The following GRXCR1 variants were observed in gnomAD, a reference collection of about 807,000 sequenced individuals.
GRXCR1 encodes the protein glutaredoxin and cysteine rich domain containing 1.
GRXCR1 carries 27 observed loss-of-function variants against 27.3 expected under a neutral mutation model. The observed-to-expected ratio is 0.99, with a 90% CI of 0.73 to 1.37. The LOEUF (loss-of-function observed/expected upper bound fraction) is 1.37. GRXCR1 is among the 40% of genes most tolerant of loss of function. The pLI, the probability that GRXCR1 is intolerant of heterozygous loss-of-function variation, is 0.00. For synonymous variants in GRXCR1, 122 were observed against 131.1 expected (o/e 0.93, Z 0.47); for missense variants, 379 against 354.4 (o/e 1.07, Z -0.56).
At chr4:42,995,533 T>G (rs1165396387) in intron 2 of GRXCR1, among the ~76,000 whole-genome samples, 1 of 151,992 alleles carries the variant, frequency 6.6e-6, no homozygotes, top group Non-Finnish European at 1.5e-5. Context: ...CCACTAGGAG[T>G]CACTAGTTTA....
chr4:42,913,829 A>G (rs920926433), intron 1 of GRXCR1, among the ~76,000 whole-genome samples: 2 of 152,192 alleles, frequency 1.3e-5, no homozygotes, highest in Non-Finnish European at 2.9e-5. Flanking sequence ...GCCTCAGGAC[A>G]TTGTGCCCTG....
chr4:42,988,002 G>C (rs1711836381), intron 2 of GRXCR1, among the ~76,000 whole-genome samples: 1 of 152,076 alleles, frequency 6.6e-6, no homozygotes, highest in Non-Finnish European at 1.5e-5. Context: ...CTTCTCATTG[G>C]GGTCCTCAGA....
chr4:42,985,160 C>G (rs1711673289), intron 2 of GRXCR1, among the ~76,000 whole-genome samples: 1 of 152,036 alleles, frequency 6.6e-6, no homozygotes, highest in African/African-American at 2.4e-5. Flanking sequence ...ATTTTCATGC[C>G]TGGATAATTG....
chr4:42,996,794 A>T (rs760940891), intron 2 of GRXCR1, among the ~76,000 whole-genome samples: 4 of 151,980 alleles, frequency 2.6e-5, no homozygotes, highest in Non-Finnish European at 5.9e-5. Context: ...AAAATAAAAT[A>T]TAAAGTCTAA....
chr4:42,978,682 C>G (rs1410653117), intron 2 of GRXCR1, among the ~76,000 whole-genome samples: 1 of 151,756 alleles, frequency 6.6e-6, no homozygotes, highest in Non-Finnish European at 1.5e-5. Flanking sequence ...TTTTTTGGTG[C>G]TAACATATTT....
chr4:42,952,786 T>A (rs1747915027), intron 1 of GRXCR1, among the ~76,000 whole-genome samples: 1 of 152,036 alleles, frequency 6.6e-6, no homozygotes, highest in South Asian at 2.1e-4. Flanking sequence ...CAAAGGGGAA[T>A]CACAGAGGGA....
Position 42,893,543 on chromosome 4 carries a change from G to C in GRXCR1, c.277G>C (p.Gly93Arg). The change falls in exon 1 of 4, where the codon GGT becomes CGT. Residue 93 changes from glycine to arginine, a missense_variant. Physicochemically the swap from Gly to Arg is moderately radical, Grantham distance 125. Transcript: ENST00000399770. ...LARAASEKGF[G>R]TRRVNILSKN... ...AAGGGCTGCCAGTGAGAAGGGTTTT[G>C]GTACAAGAAGAGTCAACATTTTAAG... is the stretch of plus-strand genomic sequence containing the variant. The C allele has an allele frequency of 6.2e-7, 1 of 1,613,826 alleles. No individual in the cohort carries two copies. The highest frequency in any genetic ancestry group is 8.5e-7 in the Non-Finnish European group (1 of 1,179,828).
intron 1 of GRXCR1, among the ~76,000 whole-genome samples, chr4:42,961,996 T>C (rs1359483319): frequency 6.6e-6 from 1 of 151,982 alleles, no homozygotes; most frequent in East Asian, 1.9e-4. Flanking sequence ...TGTGTTCTGT[T>C]CAGTTTCCTT....
At chr4:42,955,509 G>T (rs1220597787) in intron 1 of GRXCR1, among the ~76,000 whole-genome samples, 2 of 152,030 alleles carry the variant, frequency 1.3e-5, no homozygotes, top group South Asian at 4.1e-4. Context: ...TTGGAATGGT[G>T]CACAACTGAG....
At chr4:42,984,848 CG>C (rs1280371201) in intron 2 of GRXCR1, among the ~76,000 whole-genome samples, 1 of 152,164 alleles carries the variant, frequency 6.6e-6, no homozygotes, top group Non-Finnish European at 1.5e-5. Flanking sequence ...ATAGGCCAAA[CG>C]CTTGGGACTG....
intron 1 of GRXCR1, among the ~76,000 whole-genome samples, chr4:42,960,419 A>G (rs919852527): frequency 6.6e-6 from 1 of 151,962 alleles, no homozygotes; most frequent in Non-Finnish European, 1.5e-5. Flanking sequence ...ATACCTGTTA[A>G]TATGAAGAGG....
intron 3 of GRXCR1, among the ~76,000 whole-genome samples, chr4:43,022,329 C>T (rs1399713501): frequency 6.6e-6 from 1 of 152,082 alleles, no homozygotes; most frequent in Admixed American, 6.6e-5. Flanking sequence ...ACTGATTTAG[C>T]TATTCTGAAC....
chr4:42,919,640 C>A (rs1746964643), intron 1 of GRXCR1, among the ~76,000 whole-genome samples: 1 of 152,060 alleles, frequency 6.6e-6, no homozygotes, highest in African/African-American at 2.4e-5. Flanking sequence ...ATTCACCAGG[C>A]CATGTTTTCT....
chr4:42,966,111 G>A (rs1191329300), intron 2 of GRXCR1, among the ~76,000 whole-genome samples: 1 of 152,058 alleles, frequency 6.6e-6, no homozygotes, highest in Non-Finnish European at 1.5e-5. Flanking sequence ...GGGGGCAGGG[G>A]AGCAAATTCA....
rs76110796 is a variant in GRXCR1, at chr4:42,987,360, G to A, written c.627+24226G>A. ...TGTGGTGGTGTGATCATAGCTTAGG[G>A]TGACTTCAAACTCCTGAGATCAAGT... is the stretch of plus-strand genomic sequence containing the variant. On this transcript the variant is annotated intron_variant, in intron 2 of 3. Coordinates refer to ENST00000399770, the MANE Select transcript of GRXCR1 (RefSeq NM_001080476.3). Among the ~76,000 whole-genome samples, 1,007 of 149,148 alleles carry A rather than the reference G, an allele frequency of 6.8e-3. 11 individuals are homozygous for A. The highest frequency in any genetic ancestry group is 0.024 in the African/African-American group (947 of 40,294).
chr4:42,962,157 C>A (rs1748141632), intron 1 of GRXCR1, among the ~76,000 whole-genome samples: 1 of 151,996 alleles, frequency 6.6e-6, no homozygotes, highest in Non-Finnish European at 1.5e-5. Flanking sequence ...GATTCTCACA[C>A]AGGACAGTCT....
intron 1 of GRXCR1, among the ~76,000 whole-genome samples, chr4:42,904,083 A>G (rs1450906): frequency 0.7 from 106,632 of 152,130 alleles, 37,769 homozygotes; most frequent in Non-Finnish European, 0.73. Flanking sequence ...GACATCATTC[A>G]GGATTCTTTC....
At chr4:42,962,772 T>C in intron 1 of GRXCR1, 120 bp from the exon 2 acceptor site, 1 of 1,092,216 alleles carries the variant, frequency 9.2e-7, no homozygotes, top group Non-Finnish European at 1.4e-6. Context: ...GTCTTTGAAT[T>C]GACAAATGTG....
intron 2 of GRXCR1, among the ~76,000 whole-genome samples, chr4:42,974,895 A>G (rs1369320950): frequency 6.6e-6 from 1 of 152,156 alleles, no homozygotes; most frequent in Non-Finnish European, 1.5e-5. Flanking sequence ...TTAAATTTCA[A>G]AAGTCCTTGT....
Sources: gnomAD v4.1 joint callset for allele counts (sites outside exome capture counted in the v4.1 genomes callset) on GRCh38, gnomAD v4.1.1 for gene constraint, MANE v1.5 for transcripts, NCBI Gene and HGNC (gene_info 2026-07-23, HGNC 2026-07-21) for gene names.